The following BLMH variants were observed in gnomAD, a reference collection of about 807,000 sequenced individuals.
The protein encoded by BLMH is bleomycin hydrolase.
BLMH carries 32 observed loss-of-function variants against 61.6 expected under a neutral mutation model. The ratio of observed to expected loss-of-function variants is 0.52; its 90% CI spans 0.39 to 0.70. BLMH has a LOEUF of 0.70. Among genes scored for constraint, BLMH ranks in the 30% least tolerant of loss-of-function variants. BLMH has a pLI of 0.00. For missense variants in BLMH, 460 were observed against 555.5 expected (o/e 0.83, Z 1.73); for synonymous variants, 183 against 193.8 (o/e 0.94, Z 0.46).
At chr17:30,291,729 GGCCTTCCCCGCCGCCGGGCCTCA>G in intron 1 of BLMH, 55 bp downstream of exon 1, 1 of 1,419,610 alleles carries the variant, frequency 7.0e-7, no homozygotes, top group East Asian at 2.5e-5. Context: ...CCCAGCCCCC[GGCCTTCCCCGCCGCCGGGCCTCA>G]CGGGGACCGC....
intron 6 of BLMH, 100 bp downstream of exon 6, chr17:30,285,288 C>T (rs750443447): frequency 1.8e-5 from 14 of 799,436 alleles, no homozygotes; most frequent in Admixed American, 3.0e-5. Context: ...ATTAAACATT[C>T]GTTGCCATGA....
intron 6 of BLMH, among the ~76,000 whole-genome samples, chr17:30,284,376 G>A (rs7214014): frequency 0.54 from 81,456 of 152,014 alleles, 23,938 homozygotes; most frequent in African/African-American, 0.79. Flanking sequence ...ACACTCCACT[G>A]CTCCACTATG....
At chr17:30,288,495 G>C (rs912240532) in intron 3 of BLMH, among the ~76,000 whole-genome samples, 1 of 152,130 alleles carries the variant, frequency 6.6e-6, no homozygotes, top group African/African-American at 2.4e-5. Flanking sequence ...TGGGAGGACA[G>C]GTGTGCACCA....
chr17:30,272,788 T>C lies in BLMH; in HGVS notation c.913A>G (p.Ile305Val), dbSNP rs906861190. 11 of 1,614,056 alleles carry C rather than the reference T, an allele frequency of 6.8e-6. No homozygotes were observed. The highest frequency in any genetic ancestry group is 2.2e-5 in the South Asian group (2 of 91,084). ...GRKTLYNNQP[I>V]DFLKKMVAAS... ...GCAACCATCTTTTTCAGGAAGTCAA[T>C]GGGCTGGTTGTTGTATAGAGTTTTT... Residue 305 changes from isoleucine (I) to valine (V), a missense_variant, in exon 8 of 12, where the codon ATT becomes GTT. Ile to Val is a conservative substitution (Grantham distance 29, BLOSUM62 3). Transcript: ENST00000261714.
intron 11 of BLMH, among the ~76,000 whole-genome samples, chr17:30,255,960 C>T (rs898268638): frequency 6.6e-6 from 1 of 152,306 alleles, no homozygotes; most frequent in African/African-American, 2.4e-5. Context: ...AATCACAGCT[C>T]ACTGCAGCCT....
At chr17:30,282,250 G>A (rs1424919696) in intron 6 of BLMH, among the ~76,000 whole-genome samples, 2 of 139,110 alleles carry the variant, frequency 1.4e-5, no homozygotes, top group Non-Finnish European at 3.0e-5. Flanking sequence ...TTGAGACAGA[G>A]CCTTGCTCTG....
intron 7 of BLMH, 81 bp downstream of exon 7, chr17:30,273,961 A>C: frequency 6.5e-7 from 1 of 1,538,228 alleles, no homozygotes. Flanking sequence ...ATACATGCTA[A>C]CCAAGAATCT....
intron 6 of BLMH, among the ~76,000 whole-genome samples, chr17:30,282,070 A>G (rs1035518315): frequency 6.6e-6 from 1 of 151,988 alleles, no homozygotes; most frequent in Non-Finnish European, 1.5e-5. Flanking sequence ...TGATCGATTG[A>G]TTTTAGAAAT....
chr17:30,257,004 C>T (rs1214282133), intron 11 of BLMH, among the ~76,000 whole-genome samples: 3 of 152,228 alleles, frequency 2.0e-5, no homozygotes, highest in African/African-American at 7.2e-5. Flanking sequence ...GATGTTGGAT[C>T]TGTCCTTTTC....
chr17:30,287,338 T>C (rs1330399313), intron 4 of BLMH, among the ~76,000 whole-genome samples: 2 of 152,214 alleles, frequency 1.3e-5, no homozygotes, highest in Admixed American at 1.3e-4. Context: ...AAGTAGGTTT[T>C]TAATGTGCAT....
intron 11 of BLMH, among the ~76,000 whole-genome samples, chr17:30,259,222 A>G (rs1280328588): frequency 6.6e-6 from 1 of 152,112 alleles, no homozygotes. Flanking sequence ...ATTCCTTGCA[A>G]CCCCACTATA....
At chr17:30,268,401 G>A (rs977718572) in intron 10 of BLMH, among the ~76,000 whole-genome samples, 1 of 152,090 alleles carries the variant, frequency 6.6e-6, no homozygotes, top group Non-Finnish European at 1.5e-5. Flanking sequence ...CCACTAGTAT[G>A]CATTTACCTC....
chr17:30,252,987 T>C (rs1343365465), intron 11 of BLMH, among the ~76,000 whole-genome samples: 3 of 152,126 alleles, frequency 2.0e-5, no homozygotes, highest in Admixed American at 1.3e-4. Context: ...AAATACTGCA[T>C]CCTAAGTGAG....
intron 2 of BLMH, among the ~76,000 whole-genome samples, chr17:30,290,582 G>C (rs564784339): frequency 6.6e-6 from 1 of 152,328 alleles, no homozygotes; most frequent in South Asian, 2.1e-4. Flanking sequence ...TGTGCTTCCT[G>C]TCCGTATAGA....
At chr17:30,276,206 G>A (rs1483021746) in intron 6 of BLMH, among the ~76,000 whole-genome samples, 2 of 152,138 alleles carry the variant, frequency 1.3e-5, no homozygotes, top group African/African-American at 4.8e-5. Flanking sequence ...TGTACTGACC[G>A]TCTACTTTGC....
Position 30,272,247 on chromosome 17 carries a change from A to T in BLMH, c.1028+314T>A, listed in dbSNP as rs189991033. ...TGGAAAATCTTTCATTACACTCCCA[A>T]ATGCACTGAACACATTTCCGCAATA... On this transcript the variant is annotated intron_variant, in intron 9 of 11. Transcript: ENST00000261714. 19 of 360,994 alleles carry T rather than the reference A, an allele frequency of 5.3e-5. No individual in the cohort carries two copies. In the East Asian group the frequency reaches 9.5e-4, roughly 18 times the overall value. 22.4% of individuals were successfully genotyped at this position (360,994 alleles called of 1,614,324 possible).
At chr17:30,252,314 T>C (rs1243990778) in intron 11 of BLMH, 1 of 152,066 alleles carries the variant, frequency 6.6e-6, no homozygotes, top group Non-Finnish European at 1.5e-5. Context: ...ATTGATTTGG[T>C]GAAGTCATCT....
chr17:30,266,506 C>T (rs1277404342), intron 11 of BLMH, among the ~76,000 whole-genome samples: 2 of 113,420 alleles, frequency 1.8e-5, no homozygotes, highest in Admixed American at 2.4e-4. Context: ...GCCTGGGCGA[C>T]AGAGCAAGAC....
intron 6 of BLMH, among the ~76,000 whole-genome samples, chr17:30,278,126 A>G (rs1253171546): frequency 6.6e-6 from 1 of 152,178 alleles, no homozygotes; most frequent in Non-Finnish European, 1.5e-5. Flanking sequence ...AAATGCTCCA[A>G]AGAATAATTT....
Sources: allele counts gnomAD v4.1 joint callset (sites outside exome capture counted in the v4.1 genomes callset), GRCh38; gene constraint gnomAD v4.1.1; transcripts MANE v1.5; gene names NCBI Gene and HGNC (gene_info 2026-07-23, HGNC 2026-07-21).